RAVER2: variants seen among roughly 807,000 people sequenced by gnomAD.
RAVER2 encodes the protein ribonucleoprotein, PTB binding 2.
In RAVER2, 46 loss-of-function variants were observed where a neutral mutation model predicts 78.1. The observed-to-expected ratio is 0.59, with a 90% CI of 0.46 to 0.75. The LOEUF (loss-of-function observed/expected upper bound fraction) is 0.75, where lower values mean the gene tolerates loss of function less well. Ranked by LOEUF, RAVER2 falls within the 30% of genes least tolerant of loss-of-function variation. RAVER2 has a pLI of 0.00. For missense variants in RAVER2, 793 were observed against 837.5 expected (o/e 0.95, Z 0.66); for synonymous variants, 311 against 313.3 (o/e 0.99, Z 0.08).
At chr1:64,816,027 C>T (rs1170305024) in intron 11 of RAVER2, 2 of 152,050 alleles carry the variant, frequency 1.3e-5, no homozygotes, top group East Asian at 1.9e-4. Context: ...AGATATAGTC[C>T]TGTACAATTC....
chr1:64,818,328 A>T (rs1359460007), intron 11 of RAVER2, among the ~76,000 whole-genome samples: 1 of 152,156 alleles, frequency 6.6e-6, no homozygotes, highest in Non-Finnish European at 1.5e-5. Context: ...CAAGGTCAGG[A>T]GATCGAGACC....
intron 5 of RAVER2, among the ~76,000 whole-genome samples, chr1:64,798,070 C>A (rs964548983): frequency 9.1e-6 from 1 of 110,216 alleles, no homozygotes; most frequent in Non-Finnish European, 1.8e-5. Flanking sequence ...CTATCCCTCC[C>A]CCCTCCCCCC....
At chr1:64,752,940 T>G (rs1651740117) in intron 1 of RAVER2, among the ~76,000 whole-genome samples, 1 of 152,066 alleles carries the variant, frequency 6.6e-6, no homozygotes, top group Non-Finnish European at 1.5e-5. Flanking sequence ...GGAGGGGAAA[T>G]GTAGAGAAGC....
At chr1:64,775,000 C>T (rs759656268) in intron 2 of RAVER2, among the ~76,000 whole-genome samples, 7 of 152,028 alleles carry the variant, frequency 4.6e-5, no homozygotes, top group East Asian at 3.9e-4. Flanking sequence ...TGTATAGGAA[C>T]GCTTGTGATT....
chr1:64,775,797 T>C (rs1053484464), intron 2 of RAVER2, among the ~76,000 whole-genome samples: 1 of 152,056 alleles, frequency 6.6e-6, no homozygotes, highest in Non-Finnish European at 1.5e-5. Flanking sequence ...GGTTGGTGGA[T>C]CACTTGAGGT....
chr1:64,812,832 C>T, exon 10 of RAVER2: 1 of 1,607,466 alleles, frequency 6.2e-7, no homozygotes, highest in Non-Finnish European at 8.5e-7. Context: ...AGTGTGTTGC[C>T]CAGTGTGTGC....
chr1:64,818,470 A>T (rs960467404), intron 11 of RAVER2, among the ~76,000 whole-genome samples: 2 of 152,078 alleles, frequency 1.3e-5, no homozygotes, highest in African/African-American at 4.8e-5. Context: ...CAGGAGGCGG[A>T]GGTTGCAGTG....
At chr1:64,745,078 T>G, upstream of RAVER2, 22 of 993,170 alleles carry the variant, frequency 2.2e-5, no homozygotes, top group Non-Finnish European at 2.5e-5. The surrounding 1 kb of genome is among the most constrained non-coding windows in gnomAD (Gnocchi z 4.3). Context: ...CTGCGGCCTC[T>G]GCCCGCCTCG....
chr1:64,810,237 T>C (rs889720670), intron 9 of RAVER2, among the ~76,000 whole-genome samples: 1 of 152,234 alleles, frequency 6.6e-6, no homozygotes, highest in Non-Finnish European at 1.5e-5. Context: ...TTGCCAACGC[T>C]TGTTTTCTGT....
chr1:64,814,202 C>A (rs192435182), intron 10 of RAVER2, among the ~76,000 whole-genome samples: 46 of 152,270 alleles, frequency 3.0e-4, no homozygotes, highest in African/African-American at 1.1e-3. Flanking sequence ...TCAAGCAATT[C>A]TTATGTCTCA....
exon 12 of RAVER2, chr1:64,833,123 A>T: frequency 1.1e-5 from 2 of 180,114 alleles, no homozygotes; most frequent in Non-Finnish European, 2.4e-5. Context: ...TAAGGACCGT[A>T]ACCCACCCCT....
intron 1 of RAVER2, among the ~76,000 whole-genome samples, chr1:64,754,539 T>C (rs935310710): frequency 3.9e-5 from 6 of 152,218 alleles, no homozygotes; most frequent in African/African-American, 1.4e-4. Flanking sequence ...CTCTGTTAGC[T>C]TTTTTGGCAG....
intron 5 of RAVER2, among the ~76,000 whole-genome samples, chr1:64,802,467 C>G (rs779852589): frequency 6.6e-6 from 1 of 152,064 alleles, no homozygotes; most frequent in Non-Finnish European, 1.5e-5. Flanking sequence ...AGTATTGTTA[C>G]CATTTATTCT....
intron 11 of RAVER2, among the ~76,000 whole-genome samples, chr1:64,822,140 T>A (rs565282877): frequency 1.3e-5 from 2 of 152,134 alleles, no homozygotes; most frequent in Admixed American, 6.5e-5. Flanking sequence ...TACAAAAAAT[T>A]AGCTGGGTGT....
exon 11 of RAVER2, chr1:64,814,779 A>C (rs761437218): frequency 3.1e-6 from 5 of 1,591,568 alleles, no homozygotes; most frequent in Admixed American, 1.8e-5. Flanking sequence ...CAGGGAAGTG[A>C]ATCACAACAC....
At position 64,812,789 on chromosome 1, in the gene RAVER2, C is replaced by T. The variant is rs201820413; in HGVS notation, c.1732C>T (p.Arg578Trp). ...CTTGGGAGAACCACCAAAAGAAATT[C>T]GGCTCAGTAAAAATCCATACTTGAA... The change falls in exon 10 of 12, where the codon CGG (arginine) becomes TGG (tryptophan). Residue 578 changes from arginine to tryptophan, a missense_variant. Physicochemically the swap from Arg to Trp is moderately radical, Grantham distance 101. Coordinates refer to ENST00000294428, the Ensembl canonical transcript of RAVER2. The T allele has an allele frequency of 9.0e-5, 145 of 1,611,732 alleles. No homozygotes were observed. Among genetic ancestry groups the T allele is most frequent in the Admixed American group, 8.4e-5 (5 of 59,658 alleles).
At chr1:64,822,775 A>T (rs927951546) in intron 11 of RAVER2, among the ~76,000 whole-genome samples, 1 of 152,226 alleles carries the variant, frequency 6.6e-6, no homozygotes, top group African/African-American at 2.4e-5. Context: ...CCAAAAAGGA[A>T]AACAACCCAA....
In RAVER2 at chr1:64,786,655, C is replaced by T. The variant is rs1023840627; in HGVS notation, c.979-2733C>T. 9.9e-5 allele frequency among the ~76,000 whole-genome samples: 15 copies of T among 152,168 alleles called. No individual in the cohort carries two copies. The East Asian group carries it at 2.3e-3, about 24-fold the overall frequency. On this transcript the variant is annotated intron_variant, in intron 4 of 11. Transcript: ENST00000294428. ...AAAATGCAAAAAACTTAGCCAGGTG[C>T]GGTGGCAAGCACCTATAATCCCAAC...
At chr1:64,770,434 C>T (rs578233085) in intron 2 of RAVER2, among the ~76,000 whole-genome samples, 5 of 152,108 alleles carry the variant, frequency 3.3e-5, no homozygotes, top group South Asian at 2.1e-4. Flanking sequence ...AAGACCAGAA[C>T]GGATCAAAGT....
Sources: gnomAD v4.1 joint callset for allele counts (sites outside exome capture counted in the v4.1 genomes callset) on GRCh38, gnomAD v4.1.1 for gene constraint, Gnocchi (gnomAD v3.1) non-coding constraint, MANE v1.5 for transcripts, NCBI Gene and HGNC (gene_info 2026-07-23, HGNC 2026-07-21) for gene names.